The following ILF2 variants were observed in gnomAD, a reference collection of about 807,000 sequenced individuals.
ILF2 encodes the protein interleukin enhancer-binding factor 2.
A neutral mutation model predicts 55.3 loss-of-function variants in ILF2; 9 were observed. That is an observed-to-expected ratio of 0.16 (90% CI 0.10 to 0.28). The LOEUF (loss-of-function observed/expected upper bound fraction) is 0.28. ILF2 is among the 10% of genes least tolerant of loss of function. The probability of loss-of-function intolerance (pLI) is 1.00; values close to 1 mark genes in which losing one functional copy is unlikely to be tolerated. For synonymous variants in ILF2, 151 were observed against 161.8 expected (o/e 0.93, Z 0.50); for missense variants, 266 against 474.9 (o/e 0.56, Z 4.09).
In ILF2 at chr1:153,670,281, A is replaced by G. The variant is rs374279661; in HGVS notation, c.6-51T>C. 7.6e-6 allele frequency: 12 copies of G among 1,584,766 alleles called. No homozygotes were observed. The African/African-American group carries it at 8.1e-5, about 11-fold the overall frequency. ...CTCATTGAAGGAATACCCACCGGCC[A>G]TATCATCTTAGGTTGGCTACTTTCA... On this transcript the variant is annotated intron_variant, in intron 1 of 13. Transcript: ENST00000361891.
intron 4 of ILF2, 97 bp from the exon 5 acceptor site, chr1:153,668,174 C>A: frequency 1.1e-6 from 1 of 934,728 alleles, no homozygotes; most frequent in Admixed American, 2.4e-5. Flanking sequence ...TACAAGCTGA[C>A]TCAATACTGA....
At chr1:153,669,960 A>G in intron 2 of ILF2, 82 bp from the exon 3 acceptor site, 1 of 1,250,024 alleles carries the variant, frequency 8.0e-7, no homozygotes, top group Non-Finnish European at 1.2e-6. Flanking sequence ...TTTTGAAAAC[A>G]TGTCAGTCCT....
chr1:153,665,680 G>A lies in ILF2; in HGVS notation c.443C>T (p.Ala148Val), dbSNP rs1669289753. The A allele has an allele frequency of 2.5e-6, 4 of 1,613,398 alleles. No individual in the cohort carries two copies. Among genetic ancestry groups the A allele is most frequent in the Non-Finnish European group, 2.5e-6 (3 of 1,179,662 alleles). Residue 148 changes from alanine (A) to valine (V), a missense_variant, in exon 7 of 14, where the codon GCA becomes GTA. Physicochemically the swap from Ala to Val is moderately conservative, Grantham distance 64. Transcript: ENST00000361891. ...ATGCAAACCTTCAGAAGGATCCTGT[G>A]CTCTTAGGCTTTCCACGACTTTGTT... The part of the protein sequence containing the change: ...LGNKVVESLR[A>V]QDPSEVLTML...
At position 153,664,112 on chromosome 1, in the gene ILF2, T is replaced by C. The variant is rs1309984407; in HGVS notation, c.675A>G (p.Arg225=). 6 of 1,612,514 alleles carry C rather than the reference T, an allele frequency of 3.7e-6. No individual in the cohort carries two copies. In the South Asian group the frequency reaches 5.5e-5, roughly 15 times the overall value. The change falls in exon 10 of 14, where the codon AGA becomes AGG. Residue 225 remains arginine (R), a synonymous_variant. Transcript: ENST00000361891. ...ASQSTVKVLI[R]LLKDLRIRFP... ...AACGAATCCTCAAGTCCTTCAGTAG[T>C]CTGATGAGAACTTTAACTCTGAAAG...
intron 1 of ILF2, among the ~76,000 whole-genome samples, chr1:153,670,585 C>A (rs962163681): frequency 2.0e-5 from 3 of 152,180 alleles, no homozygotes; most frequent in African/African-American, 7.2e-5. Context: ...AGGATGAATG[C>A]GGCTCGCTCC....
At chr1:153,662,668 T>A in intron 13 of ILF2, 37 bp downstream of exon 13, 3 of 1,596,092 alleles carry the variant, frequency 1.9e-6, no homozygotes, top group Non-Finnish European at 2.6e-6. Context: ...TGTACCAGAT[T>A]ACAATACAAA....
Position 153,670,983 on chromosome 1 carries a change from C to T in ILF2, c.-61G>A. ...ACCGCCCCTTCCTCTGAGTAGCAGA[C>T]AACTGAAGAGGCGTCTTGCCGGCGT... is the stretch of plus-strand genomic sequence containing the variant. On this transcript the variant is annotated 5_prime_UTR_variant, in exon 1 of 14. Coordinates refer to ENST00000361891, the MANE Select transcript of ILF2 (RefSeq NM_004515.4). 6.2e-7 allele frequency: 1 copy of T among 1,610,292 alleles called. No homozygotes were observed. The highest frequency in any genetic ancestry group is 8.5e-7 in the Non-Finnish European group (1 of 1,176,414).
In ILF2 at chr1:153,667,325, A is replaced by G. The variant is rs145826883; in HGVS notation, c.394+230T>C. ...AAACCCTGTATCTACAAAAAATACA[A>G]AAATTAGCTGGGTGTGGTAGCACAC... On this transcript the variant is annotated intron_variant, in intron 6 of 13. Transcript: ENST00000361891. The G allele has an allele frequency of 2.4e-3, 1,322 of 556,784 alleles. 15 individuals are homozygous for G. The highest frequency in any genetic ancestry group is 0.022 in the African/African-American group (1,180 of 53,086). The allele number at this position is 556,784 out of a possible 1,614,324, so 34.5% of individuals were successfully genotyped here. A position where few individuals can be genotyped will look rare whatever the true frequency, so the allele number is the denominator to read the frequency against.
chr1:153,669,586 G>T (rs1378688107), intron 3 of ILF2, among the ~76,000 whole-genome samples: 1 of 152,106 alleles, frequency 6.6e-6, no homozygotes, highest in Non-Finnish European at 1.5e-5. Context: ...AAGTAGCTGG[G>T]ATTAGACACA....
At chr1:153,667,189 C>T (rs1669332432) in intron 6 of ILF2, 4 of 330,546 alleles carry the variant, frequency 1.2e-5, no homozygotes, top group Non-Finnish European at 2.2e-5. Flanking sequence ...CTTTCAAGAT[C>T]CGTAAGGGCT....
chr1:153,665,731 A>G lies in ILF2; in HGVS notation c.395-3T>C. 6.2e-7 allele frequency: 1 copy of G among 1,602,802 alleles called. No individual in the cohort carries two copies. The highest frequency in any genetic ancestry group is 8.5e-7 in the Non-Finnish European group (1 of 1,174,050). On this transcript the variant is annotated splice_region_variant and splice_polypyrimidine_tract_variant and intron_variant, in intron 6 of 13. Transcript: ENST00000361891. ...CCCCAGGGCAGCAACAGCTTCCACT[A>G]ATTGACAGAAAATGACATAATGTTA... is the stretch of plus-strand genomic sequence containing the variant.
At chr1:153,670,741 A>C (rs1468829267) in intron 1 of ILF2, among the ~76,000 whole-genome samples, 177 bp downstream of exon 1, 3 of 151,840 alleles carry the variant, frequency 2.0e-5, no homozygotes, top group African/African-American at 7.3e-5. Context: ...TCCCGGGCCC[A>C]AGTTTCCCCG....
chr1:153,668,451 A>G lies in ILF2; in HGVS notation c.213+2T>C, dbSNP rs1213757052. The G allele has an allele frequency of 2.5e-6, 4 of 1,613,966 alleles. No individual in the cohort carries two copies. In the African/African-American group the frequency reaches 5.3e-5, roughly 22 times the overall value. On this transcript the variant is annotated splice_donor_variant, in intron 4 of 13. Transcript: ENST00000361891. LOFTEE classifies it high-confidence loss of function. ...TTCTGGAAGACAGCCAAAAGAACAT[A>G]CCTGTTCAGCAGAATTGGGAGCCAG...
chr1:153,666,514 C>T (rs979735675), intron 6 of ILF2, among the ~76,000 whole-genome samples: 2 of 152,098 alleles, frequency 1.3e-5, no homozygotes, highest in Non-Finnish European at 2.9e-5. Context: ...ACCACCATGC[C>T]CAGCTAATTT....
At chr1:153,667,860 T>A in intron 5 of ILF2, 140 bp downstream of exon 5, 1 of 692,604 alleles carries the variant, frequency 1.4e-6, no homozygotes, top group Non-Finnish European at 2.5e-6. Flanking sequence ...AGATCAGTAC[T>A]ACAAAGAAAT....
chr1:153,670,309 C>T (rs569981565), intron 1 of ILF2, 79 bp from the exon 2 acceptor site: 35 of 1,401,950 alleles, frequency 2.5e-5, no homozygotes, highest in Non-Finnish European at 3.4e-5. Flanking sequence ...TACTTTCATC[C>T]CTCGGAACCT....
At position 153,667,593 on chromosome 1, in the gene ILF2, A is replaced by G. The variant is rs1669344571; in HGVS notation, c.356T>C (p.Val119Ala). The change falls in exon 6 of 14, where the codon GTG (valine) becomes GCG (alanine). Residue 119 changes from valine (V) to alanine (A), a missense_variant. Physicochemically the swap from Val to Ala is moderately conservative, Grantham distance 64 (BLOSUM62 0). Transcript: ENST00000361891. Reference protein sequence around the residue: ...KKGTMTTGHNVADLVVILKIL... With the variant: ...KKGTMTTGHNAADLVVILKIL... ...CTTGAGTATCACCACCAGGTCAGCC[A>G]CATTGTGTCCTGTAGTCATTGTCCC... is the stretch of plus-strand genomic sequence containing the variant. 1 of 1,613,906 alleles carries G rather than the reference A, an allele frequency of 6.2e-7. No individual in the cohort carries two copies. Among genetic ancestry groups the G allele is most frequent in the East Asian group, 2.2e-5 (1 of 44,890 alleles).
chr1:153,664,418 C>T lies in ILF2; in HGVS notation c.634G>A (p.Glu212Lys). 1.2e-6 allele frequency: 2 copies of T among 1,614,000 alleles called. No individual in the cohort carries two copies. The part of the protein sequence containing the change: ...LAAIRHARWF[E>K]ENASQSTVKV... ...CACGTGGACTGAGAAGCATTTTCCT[C>T]GAACCAGCGGGCATGTCGGATGGCT... The change falls in exon 9 of 14, where the codon GAG becomes AAG. Residue 212 changes from glutamate (E) to lysine (K), a missense_variant. By Grantham distance (56) the Glu-to-Lys change is moderately conservative (BLOSUM62 1). Transcript: ENST00000361891.
chr1:153,669,919 A>G, intron 2 of ILF2, 41 bp from the exon 3 acceptor site: 2 of 1,524,636 alleles, frequency 1.3e-6, no homozygotes, highest in Non-Finnish European at 1.8e-6. Context: ...CTAGGTAGGA[A>G]TCAAGCGAGA....
Sources: allele counts gnomAD v4.1 joint callset (sites outside exome capture counted in the v4.1 genomes callset), GRCh38; gene constraint gnomAD v4.1.1; transcripts MANE v1.5; gene names NCBI Gene and HGNC (gene_info 2026-07-23, HGNC 2026-07-21).